Variants in PHYHIP observed in about 807,000 individuals in gnomAD.
The protein encoded by PHYHIP is phytanoyl-CoA hydroxylase-interacting protein.
PHYHIP carries 7 observed loss-of-function variants against 26.1 expected under a neutral mutation model. The ratio of observed to expected loss-of-function variants is 0.27; its 90% CI spans 0.15 to 0.50. The LOEUF (loss-of-function observed/expected upper bound fraction) is 0.50, where lower values mean the gene tolerates loss of function less well. Among genes scored for constraint, PHYHIP ranks in the 20% least tolerant of loss-of-function variants. The probability of loss-of-function intolerance (pLI) is 0.98; values close to 1 mark genes in which losing one functional copy is unlikely to be tolerated. For synonymous variants in PHYHIP, 206 were observed against 183.4 expected (o/e 1.12, Z -1.00); for missense variants, 232 against 454.7 (o/e 0.51, Z 4.45).
At chr8:22,224,373 C>T (rs1238458319) in intron 3 of PHYHIP, 30 bp from the exon 4 acceptor site, 9 of 1,323,038 alleles carry the variant, frequency 6.8e-6, no homozygotes, top group African/African-American at 1.4e-5. Context: ...GTAGGTGAGC[C>T]GAGGGCCAGC....
intron 1 of PHYHIP, chr8:22,228,598 C>T (rs577083196): frequency 3.5e-5 from 16 of 453,338 alleles, no homozygotes; most frequent in South Asian, 1.3e-4. Flanking sequence ...TTGCTCTCCT[C>T]GGAGGGGTCT....
At position 22,221,623 on chromosome 8, in the gene PHYHIP, G is replaced by A; in HGVS notation, c.723C>T (p.Pro241=). Residue 241 remains proline (P), a synonymous_variant, in exon 5 of 5, where the codon CCC becomes CCT. Transcript: ENST00000454243. This position sits in a 1 kb window ranked among gnomAD's most constrained non-coding sequence, Gnocchi z 7.9. ...AGAAGCGGTCCCCCAGGGAGCCTTT[G>A]GGCGCCAGCACCAGGATGGCGTAGT... is the stretch of plus-strand genomic sequence containing the variant. ...AYHYAILVLA[P]KGSLGDRFCR... is the part of the protein sequence containing the mutation. The A allele has an allele frequency of 6.2e-7, 1 of 1,613,616 alleles. No individual in the cohort carries two copies. The highest frequency in any genetic ancestry group is 8.5e-7 in the Non-Finnish European group (1 of 1,179,828).
intron 4 of PHYHIP, among the ~76,000 whole-genome samples, chr8:22,223,577 T>C (rs901019018): frequency 6.6e-6 from 1 of 152,160 alleles, no homozygotes; most frequent in African/African-American, 2.4e-5. Context: ...TTCTGTAGGC[T>C]GAGGGTGTTG....
At chr8:22,230,232 C>A (rs1829839229) in intron 1 of PHYHIP, among the ~76,000 whole-genome samples, 1 of 151,992 alleles carries the variant, frequency 6.6e-6, no homozygotes, top group Admixed American at 6.6e-5. Context: ...CACACACGAA[C>A]ACAGACACAC....
chr8:22,230,262 A>G (rs1463936071), intron 1 of PHYHIP, among the ~76,000 whole-genome samples: 1 of 151,874 alleles, frequency 6.6e-6, no homozygotes, highest in Non-Finnish European at 1.5e-5. Context: ...AGAGGCCCTG[A>G]GCGGCACCCA....
Position 22,221,918 on chromosome 8 carries a change from A to C in PHYHIP, c.459-31T>G. On this transcript the variant is annotated intron_variant, in intron 4 of 4. Coordinates refer to ENST00000454243, the MANE Select transcript of PHYHIP (RefSeq NM_014759.5). The surrounding 1 kb of genome is among the most constrained non-coding windows in gnomAD (Gnocchi z 7.9). ...CACCCCAGGGAGACACACCAAAGGGAAGAGAAGATGTGGCTGGTGAGCCGG... is the reference window on the plus strand; with the variant it reads ...CACCCCAGGGAGACACACCAAAGGGCAGAGAAGATGTGGCTGGTGAGCCGG... The C allele has an allele frequency of 6.8e-7, 1 of 1,469,062 alleles. No homozygotes were observed. Among genetic ancestry groups the C allele is most frequent in the Non-Finnish European group, 9.0e-7 (1 of 1,107,568 alleles). The allele number at this position is 1,469,062 out of a possible 1,614,324, so 91.0% of individuals were successfully genotyped here.
intron 4 of PHYHIP, among the ~76,000 whole-genome samples, chr8:22,223,033 T>C (rs1563296760): frequency 1.3e-5 from 2 of 151,978 alleles, no homozygotes. Context: ...AGGTCCTCAC[T>C]GCCCTGAGGT....
chr8:22,225,160 G>T (rs1199450957), intron 3 of PHYHIP, among the ~76,000 whole-genome samples: 1 of 152,060 alleles, frequency 6.6e-6, no homozygotes, highest in African/African-American at 2.4e-5. Context: ...GGAGCAAGAG[G>T]CCTCCAGAGA....
chr8:22,223,372 A>AAC (rs1829673321), intron 4 of PHYHIP, among the ~76,000 whole-genome samples: 1 of 151,492 alleles, frequency 6.6e-6, no homozygotes, highest in Admixed American at 6.6e-5. Context: ...AAAAAAAAAA[A>AAC]AAAAAAAAAG....
chr8:22,227,022 C>T lies in PHYHIP; in HGVS notation c.169G>A (p.Val57Ile), dbSNP rs748331111. 4 of 1,609,728 alleles carry T rather than the reference C, an allele frequency of 2.5e-6. No individual in the cohort carries two copies. Among genetic ancestry groups the T allele is most frequent in the South Asian group, 1.1e-5 (1 of 90,694 alleles). The stretch of plus-strand genomic sequence containing the variant: ...GCCTTGGCCACGAGCTTGGTGGGGA[C>T]GTCCTGAGAAACAGGGTACAAACAG... Reference protein sequence around the residue: ...KNSNKFKHRDVPTKLVAKAVP... With the variant: ...KNSNKFKHRDIPTKLVAKAVP... Residue 57 changes from valine to isoleucine, a missense_variant, in exon 3 of 5, where the codon GTC (valine) becomes ATC (isoleucine). By Grantham distance (29) the Val-to-Ile change is conservative. Transcript: ENST00000454243.
chr8:22,231,507 A>G (rs1040754206), intron 1 of PHYHIP, among the ~76,000 whole-genome samples: 29 of 152,168 alleles, frequency 1.9e-4, no homozygotes, highest in Admixed American at 4.6e-4. Flanking sequence ...CCCCATGCCC[A>G]TTCAAACAGC....
chr8:22,228,158 G>A (rs1341823969), intron 2 of PHYHIP, 35 bp downstream of exon 2: 21 of 1,595,292 alleles, frequency 1.3e-5, no homozygotes, highest in Non-Finnish European at 1.8e-5. Context: ...AGGAACAGAA[G>A]CTGGGGAGGG....
Position 22,221,144 on chromosome 8 carries a change from C to T in PHYHIP, c.*209G>A. On this transcript the variant is annotated 3_prime_UTR_variant, in exon 5 of 5. Transcript: ENST00000454243. The surrounding 1 kb of genome is among the most constrained non-coding windows in gnomAD (Gnocchi z 7.9). ...GCTGCCAACTACAGAGGCTGAGAAG[C>T]CTTTCCATGTCCACCAGGCTGGGTG... is the stretch of plus-strand genomic sequence containing the variant. 1 of 522,564 alleles carries T rather than the reference C, an allele frequency of 1.9e-6. No homozygotes were observed. The allele number at this position is 522,564 out of a possible 1,614,324, so 32.4% of individuals were successfully genotyped here. A position where few individuals can be genotyped will look rare whatever the true frequency, so the allele number is the denominator to read the frequency against.
intron 1 of PHYHIP, 99 bp from the exon 2 acceptor site, chr8:22,228,485 C>T: frequency 1.5e-6 from 1 of 656,860 alleles, no homozygotes; most frequent in East Asian, 2.7e-5. Flanking sequence ...CCTCAAGGAC[C>T]CCTGGAATCC....
intron 4 of PHYHIP, among the ~76,000 whole-genome samples, chr8:22,222,764 G>A (rs997343297): frequency 2.0e-5 from 3 of 152,196 alleles, no homozygotes; most frequent in Non-Finnish European, 4.4e-5. Flanking sequence ...CCCAAACTGG[G>A]CCACTGACTT....
chr8:22,227,167 C>T (rs1202670651), intron 2 of PHYHIP, 142 bp from the exon 3 acceptor site: 5 of 738,938 alleles, frequency 6.8e-6, no homozygotes, highest in African/African-American at 5.3e-5. Context: ...TGGCTCCATA[C>T]CCTGGCCACC....
intron 2 of PHYHIP, chr8:22,227,555 G>A (rs1170919451): frequency 1.8e-5 from 8 of 453,062 alleles, no homozygotes; most frequent in South Asian, 3.1e-5. Context: ...CCAGCTGGCC[G>A]CCTCACTCCC....
chr8:22,220,999 G>A lies in PHYHIP; in HGVS notation c.*354C>T, dbSNP rs1829609430. On this transcript the variant is annotated 3_prime_UTR_variant, in exon 5 of 5. Transcript: ENST00000454243. ...TACCCATGGGCTTTGGCCCAGAGGGGCTTCCCTGGGAGAGCCCAGGAGGTG... is the reference window on the plus strand; with the variant it reads ...TACCCATGGGCTTTGGCCCAGAGGGACTTCCCTGGGAGAGCCCAGGAGGTG... 1.3e-5 allele frequency: 3 copies of A among 233,224 alleles called. No individual in the cohort carries two copies. The highest frequency in any genetic ancestry group is 2.5e-5 in the Non-Finnish European group (3 of 118,272). The allele number at this position is 233,224 out of a possible 1,614,324, so 14.4% of individuals were successfully genotyped here. A position where few individuals can be genotyped will look rare whatever the true frequency, so the allele number is the denominator to read the frequency against.
intron 1 of PHYHIP, among the ~76,000 whole-genome samples, chr8:22,229,403 C>T (rs1586495125): frequency 1.3e-5 from 2 of 152,200 alleles, no homozygotes; most frequent in Non-Finnish European, 2.9e-5. Context: ...TGCATTTTCT[C>T]TCCCCTCCCT....
Sources: gnomAD v4.1 joint callset for allele counts (sites outside exome capture counted in the v4.1 genomes callset) on GRCh38, gnomAD v4.1.1 for gene constraint, Gnocchi (gnomAD v3.1) non-coding constraint, MANE v1.5 for transcripts, NCBI Gene and HGNC (gene_info 2026-07-23, HGNC 2026-07-21) for gene names.